The following GADL1 variants were observed in gnomAD, a reference collection of about 807,000 sequenced individuals.
GADL1 encodes the protein acidic amino acid decarboxylase GADL1.
Under a neutral mutation model 69.5 loss-of-function variants are expected in GADL1, and 71 were observed. The ratio of observed to expected loss-of-function variants is 1.02; its 90% CI spans 0.84 to 1.25. GADL1 has a LOEUF of 1.25. Among genes scored for constraint, GADL1 ranks in the 50% most tolerant of loss-of-function variants. GADL1 has a pLI of 0.00. For synonymous variants in GADL1, 254 were observed against 214.4 expected, an observed-to-expected ratio of 1.18 and a Z score of -1.62; for missense variants, 737 against 631.8, an observed-to-expected ratio of 1.17 and a Z score of -1.79.
intron 6 of GADL1, among the ~76,000 whole-genome samples, chr3:30,847,098 C>T (rs1698072097): frequency 6.6e-6 from 1 of 152,158 alleles, no homozygotes. Context: ...GATTTCTATA[C>T]ACCCAAGAAA....
chr3:30,861,205 G>C (rs1204302130), intron 2 of GADL1, among the ~76,000 whole-genome samples: 1 of 151,166 alleles, frequency 6.6e-6, no homozygotes, highest in Non-Finnish European at 1.5e-5. Flanking sequence ...TGATTTTCAT[G>C]AACAACATGA....
intron 8 of GADL1, among the ~76,000 whole-genome samples, chr3:30,840,470 C>A (rs1697947926): frequency 6.6e-6 from 1 of 152,130 alleles, no homozygotes; most frequent in Non-Finnish European, 1.5e-5. Flanking sequence ...AAACCAGAGG[C>A]TTTGAAACTT....
intron 1 of GADL1, among the ~76,000 whole-genome samples, chr3:30,880,983 T>C (rs1227703682): frequency 1.3e-5 from 2 of 151,884 alleles, no homozygotes; most frequent in Non-Finnish European, 2.9e-5. Flanking sequence ...ATGAGAGCAG[T>C]GCAAATGGAG....
At chr3:30,883,708 G>A (rs949982437) in intron 1 of GADL1, among the ~76,000 whole-genome samples, 2 of 151,894 alleles carry the variant, frequency 1.3e-5, no homozygotes, top group African/African-American at 2.4e-5. Context: ...GATAAAGATT[G>A]TGTTAAATCT....
At chr3:30,787,935 A>G (rs1696831435) in intron 12 of GADL1, among the ~76,000 whole-genome samples, 2 of 152,262 alleles carry the variant, frequency 1.3e-5, no homozygotes, top group South Asian at 2.1e-4. Flanking sequence ...ATATTAAAAT[A>G]TTGATGTTTG....
At chr3:30,771,434 C>CA (rs1206853763) in intron 14 of GADL1, among the ~76,000 whole-genome samples, 40 of 152,090 alleles carry the variant, frequency 2.6e-4, no homozygotes, top group African/African-American at 9.4e-4. Context: ...AAATTCAGGA[C>CA]ATTCATTAGT....
chr3:30,832,464 G>C (rs1697808307), intron 11 of GADL1, among the ~76,000 whole-genome samples: 1 of 151,886 alleles, frequency 6.6e-6, no homozygotes, highest in Non-Finnish European at 1.5e-5. Flanking sequence ...AAAAGTATAT[G>C]AAAGCTAGAA....
At chr3:30,825,879 T>A (rs745736193) in intron 11 of GADL1, among the ~76,000 whole-genome samples, 3 of 151,886 alleles carry the variant, frequency 2.0e-5, no homozygotes, top group Non-Finnish European at 4.4e-5. Context: ...CCACAGCACA[T>A]GTATACCTAT....
chr3:30,830,223 G>A (rs978483320), intron 11 of GADL1, among the ~76,000 whole-genome samples: 3 of 151,792 alleles, frequency 2.0e-5, no homozygotes, highest in African/African-American at 7.3e-5. Context: ...CCTGGAAGTC[G>A]AGAAGACTGG....
At position 30,853,814 on chromosome 3, in the gene GADL1, C is replaced by G. The variant is rs540530168; in HGVS notation, c.428+885G>C. Among the ~76,000 whole-genome samples, 3 of 152,254 alleles carry G rather than the reference C, an allele frequency of 2.0e-5. No individual in the cohort carries two copies. In the South Asian group the frequency reaches 6.2e-4, roughly 32 times the overall value. On this transcript the variant is annotated intron_variant, in intron 4 of 14. Transcript: ENST00000282538. ...ATCTCTTCTCTCCAAGTCCGAGCTACTTTCCTCTCTCACCCGACTAAAGTA... is the reference window on the plus strand; with the variant it reads ...ATCTCTTCTCTCCAAGTCCGAGCTAGTTTCCTCTCTCACCCGACTAAAGTA...
intron 14 of GADL1, among the ~76,000 whole-genome samples, chr3:30,736,180 T>C: frequency 6.6e-6 from 1 of 152,080 alleles, no homozygotes; most frequent in East Asian, 1.9e-4. Context: ...TTATACATGT[T>C]TTCCTGTAAT....
intron 14 of GADL1, among the ~76,000 whole-genome samples, chr3:30,735,700 G>A (rs1007905056): frequency 1.3e-5 from 2 of 152,120 alleles, no homozygotes; most frequent in Non-Finnish European, 2.9e-5. Context: ...CTGTGTCATG[G>A]CGGTGGGTAT....
chr3:30,810,428 T>C (rs113105124), intron 11 of GADL1, among the ~76,000 whole-genome samples: 3 of 152,050 alleles, frequency 2.0e-5, no homozygotes, highest in African/African-American at 2.4e-5. Context: ...GATATATATA[T>C]AGAGAGAGAG....
chr3:30,768,237 C>A (rs370550603), intron 14 of GADL1, among the ~76,000 whole-genome samples: 3 of 152,226 alleles, frequency 2.0e-5, no homozygotes, highest in African/African-American at 7.2e-5. Context: ...ATAGCAAAAG[C>A]AGATGTGAGC....
chr3:30,881,725 G>A (rs1488608461), intron 1 of GADL1, among the ~76,000 whole-genome samples: 2 of 151,824 alleles, frequency 1.3e-5, no homozygotes, highest in African/African-American at 4.8e-5. Context: ...TTTGTTAAGG[G>A]ACTGCTATGG....
intron 9 of GADL1, among the ~76,000 whole-genome samples, chr3:30,835,400 G>C (rs1307328554): frequency 6.6e-6 from 1 of 152,040 alleles, no homozygotes; most frequent in African/African-American, 2.4e-5. Flanking sequence ...GAAGTGGCAT[G>C]GTTGGCTGCA....
chr3:30,831,089 A>G (rs1025750035), intron 11 of GADL1, among the ~76,000 whole-genome samples: 1 of 151,930 alleles, frequency 6.6e-6, no homozygotes, highest in Non-Finnish European at 1.5e-5. Context: ...TTAGTCTTCC[A>G]TCTATTCTTG....
Position 30,740,254 on chromosome 3 carries a change from G to A in GADL1, c.1393-11839C>T, listed in dbSNP as rs537293815. On this transcript the variant is annotated intron_variant, in intron 14 of 14. Coordinates refer to ENST00000282538, the MANE Select transcript of GADL1 (RefSeq NM_207359.3). ...ATTTAAAAAGACAGAGTTTGAATTC[G>A]ACTGGTAATGTATTTTTGTTATTAT... Among the ~76,000 whole-genome samples, 4 of 152,252 alleles carry A rather than the reference G, an allele frequency of 2.6e-5. No individual in the cohort carries two copies. The East Asian group carries it at 5.8e-4, about 22-fold the overall frequency.
At chr3:30,820,490 G>A (rs1697554019) in intron 11 of GADL1, among the ~76,000 whole-genome samples, 1 of 152,114 alleles carries the variant, frequency 6.6e-6, no homozygotes, top group South Asian at 2.1e-4. Flanking sequence ...GAACCAATTA[G>A]CAATCTGGTG....
Sources: allele counts gnomAD v4.1 joint callset (sites outside exome capture counted in the v4.1 genomes callset), GRCh38; gene constraint gnomAD v4.1.1; transcripts MANE v1.5; gene names NCBI Gene and HGNC (gene_info 2026-07-23, HGNC 2026-07-21).